Variants in ITGB6 observed in about 807,000 individuals in gnomAD.
ITGB6 encodes integrin subunit beta 6.
Under a neutral mutation model 84.5 loss-of-function variants are expected in ITGB6, and 80 were observed. The observed-to-expected ratio is 0.95, with a 90% CI of 0.79 to 1.14. The LOEUF (loss-of-function observed/expected upper bound fraction) is 1.14, where lower values mean the gene tolerates loss of function less well. ITGB6 is among the 50% of genes most tolerant of loss of function. The probability of loss-of-function intolerance (pLI) is 0.00; values close to 1 mark genes in which losing one functional copy is unlikely to be tolerated. For synonymous variants in ITGB6, 383 were observed against 354.9 expected, an observed-to-expected ratio of 1.08 and a Z score of -0.89; for missense variants, 1,006 against 968.0, an observed-to-expected ratio of 1.04 and a Z score of -0.52.
At chr2:160,184,438 G>A (rs191157015) in intron 4 of ITGB6, among the ~76,000 whole-genome samples, 141 of 152,240 alleles carry the variant, frequency 9.3e-4, no homozygotes, top group Non-Finnish European at 1.7e-3. Context: ...GGAAGAAGTC[G>A]AATACCTGAA....
rs899568376 is a variant in ITGB6, at chr2:160,101,553, C to T, written c.*183G>A. On this transcript the variant is annotated 3_prime_UTR_variant, in exon 15 of 15. Transcript: ENST00000283249. ...AGTCATCTCTTTGCTAAGGATATTT[C>T]TCTTCTTGATTATTTTGAAACTGCC... 1.7e-6 allele frequency: 1 copy of T among 589,576 alleles called. No homozygotes were observed. Among genetic ancestry groups the T allele is most frequent in the African/African-American group, 1.9e-5 (1 of 52,440 alleles). The allele number at this position is 589,576 out of a possible 1,614,324, so 36.5% of individuals were successfully genotyped here.
chr2:160,140,538 G>A lies in ITGB6; in HGVS notation c.1107+1444C>T, dbSNP rs578018793. On this transcript the variant is annotated intron_variant, in intron 8 of 14. Transcript: ENST00000283249. ...AGAGTATTGGATTCGAAAAAATGGC[G>A]TGCATTCTGATACAGTGAAGGATTG... is the stretch of plus-strand genomic sequence containing the variant. Among the ~76,000 whole-genome samples, 12 of 152,268 alleles carry A rather than the reference G, an allele frequency of 7.9e-5. No individual in the cohort carries two copies. The South Asian group carries it at 8.3e-4, about 11-fold the overall frequency.
At chr2:160,142,455 A>C (rs991531504) in intron 7 of ITGB6, among the ~76,000 whole-genome samples, 1 of 152,236 alleles carries the variant, frequency 6.6e-6, no homozygotes, top group Non-Finnish European at 1.5e-5. Context: ...GTAACGTTGC[A>C]GAAACCAAGG....
chr2:160,135,397 T>G (rs1388899343), intron 10 of ITGB6, among the ~76,000 whole-genome samples: 1 of 149,180 alleles, frequency 6.7e-6, no homozygotes, highest in African/African-American at 2.5e-5. Context: ...CTCAATGAAA[T>G]AAAAGAGGAT....
intron 7 of ITGB6, among the ~76,000 whole-genome samples, chr2:160,148,499 G>C (rs1487370997): frequency 6.6e-6 from 1 of 152,226 alleles, no homozygotes; most frequent in Non-Finnish European, 1.5e-5. Flanking sequence ...GGCTGAATAG[G>C]AACAGCTCCG....
rs371801551 is a variant in ITGB6, at chr2:160,199,857, C to A, written c.61+146G>T. ...ACTGTGGGAACTGCCCGGTGTTTGT[C>A]TGTAATTTGTTAAAGTGTTCACTCA... On this transcript the variant is annotated intron_variant, in intron 1 of 14. Coordinates refer to ENST00000283249, the MANE Select transcript of ITGB6 (RefSeq NM_000888.5). 1.5e-4 allele frequency: 94 copies of A among 643,018 alleles called. No individual in the cohort carries two copies. In the African/African-American group the frequency reaches 1.6e-3, roughly 11 times the overall value. The allele number at this position is 643,018 out of a possible 1,614,324, so 39.8% of individuals were successfully genotyped here.
At chr2:160,163,447 C>G (rs1378470427) in intron 7 of ITGB6, among the ~76,000 whole-genome samples, 1 of 152,132 alleles carries the variant, frequency 6.6e-6, no homozygotes. Context: ...GTCTGGCCAA[C>G]ATGGTGAAAC....
chr2:160,188,940 G>A (rs10193774), intron 4 of ITGB6, among the ~76,000 whole-genome samples: 19,672 of 151,860 alleles, frequency 0.13, 2,462 homozygotes, highest in East Asian at 0.45. Context: ...TCACGCTACC[G>A]GACTTCAAAC....
intron 10 of ITGB6, among the ~76,000 whole-genome samples, chr2:160,132,785 A>G (rs16844824): frequency 0.66 from 100,324 of 152,026 alleles, 33,503 homozygotes; most frequent in Admixed American, 0.74. Flanking sequence ...TCGTTAAACT[A>G]TAGCGATTTT....
rs746489935 is a variant in ITGB6, at chr2:160,137,682, T to C, written c.1412A>G (p.Asn471Ser). 6.2e-7 allele frequency: 1 copy of C among 1,614,196 alleles called. No homozygotes were observed. Among genetic ancestry groups the C allele is most frequent in the South Asian group, 1.1e-5 (1 of 91,080 alleles). Reference sequence around the variant, plus strand: ...ACACACCCCACACTGGAAAGAGCCGTTCCCGTGGTGACATTTGGAGCTGTT... The same window carrying C: ...ACACACCCCACACTGGAAAGAGCCGCTCCCGTGGTGACATTTGGAGCTGTT... ...EVNSSKCHHG[N>S]GSFQCGVCAC... Residue 471 changes from asparagine (N) to serine (S), a missense_variant, in exon 10 of 15, where the codon AAC becomes AGC. Coordinates refer to ENST00000283249, the MANE Select transcript of ITGB6 (RefSeq NM_000888.5).
At chr2:160,189,470 T>C (rs1373526640) in intron 4 of ITGB6, among the ~76,000 whole-genome samples, 1 of 152,098 alleles carries the variant, frequency 6.6e-6, no homozygotes, top group East Asian at 1.9e-4. Context: ...AAAGGGCTAA[T>C]ATCCAGAATC....
At chr2:160,101,977 T>A (rs1379874018) in intron 14 of ITGB6, 143 bp from the exon 15 acceptor site, 9 of 604,348 alleles carry the variant, frequency 1.5e-5, no homozygotes, top group Non-Finnish European at 2.0e-5. Context: ...GCATTTCATA[T>A]GTTTAGTGTT....
intron 14 of ITGB6, among the ~76,000 whole-genome samples, chr2:160,104,254 CCTGGCCT>C (rs1696825399): frequency 6.6e-6 from 1 of 152,132 alleles, no homozygotes; most frequent in Non-Finnish European, 1.5e-5. Context: ...TAGGGTATTT[CCTGGCCT>C]CAGCTGAAGA....
chr2:160,110,876 C>A (rs1682472328), intron 13 of ITGB6, among the ~76,000 whole-genome samples: 1 of 152,184 alleles, frequency 6.6e-6, no homozygotes, highest in Non-Finnish European at 1.5e-5. Context: ...CCTACCCAAC[C>A]ATGCGGACAT....
chr2:160,118,139 G>A lies in ITGB6; in HGVS notation c.1981+5652C>T, dbSNP rs1216523175. Among the ~76,000 whole-genome samples the A allele has an allele frequency of 5.3e-5, 8 of 152,064 alleles. No individual in the cohort carries two copies. In the South Asian group the frequency reaches 6.2e-4, roughly 12 times the overall value. On this transcript the variant is annotated intron_variant, in intron 12 of 14. Transcript: ENST00000283249. ...AAACTATTCCAATCAATAGAAAAAGGGGGAATCCTCCCTAACTCATTTTAT... is the reference window on the plus strand; with the variant it reads ...AAACTATTCCAATCAATAGAAAAAGAGGGAATCCTCCCTAACTCATTTTAT...
At chr2:160,180,768 T>C (rs1464324693) in intron 4 of ITGB6, among the ~76,000 whole-genome samples, 1 of 152,178 alleles carries the variant, frequency 6.6e-6, no homozygotes, top group African/African-American at 2.4e-5. Flanking sequence ...AGGTGATTTC[T>C]GCATTTCCAA....
At chr2:160,108,892 T>C (rs1291318529) in intron 13 of ITGB6, among the ~76,000 whole-genome samples, 1 of 152,234 alleles carries the variant, frequency 6.6e-6, no homozygotes, top group African/African-American at 2.4e-5. Context: ...TAGGAGATGA[T>C]ACATTTCTTA....
chr2:160,194,955 A>G (rs1559236887), intron 4 of ITGB6, among the ~76,000 whole-genome samples: 1 of 152,190 alleles, frequency 6.6e-6, no homozygotes, highest in Non-Finnish European at 1.5e-5. Context: ...GCCAGAAGTC[A>G]TTGTCATGGA....
Position 160,101,669 on chromosome 2 carries a change from A to G in ITGB6, c.*67T>C. Reference sequence around the variant, plus strand: ...ACCTCATTTTGAAGCAACAAAGAGAAAAAAATTAAATAGTGCATTAACATT... The same window carrying G: ...ACCTCATTTTGAAGCAACAAAGAGAGAAAAATTAAATAGTGCATTAACATT... On this transcript the variant is annotated 3_prime_UTR_variant, in exon 15 of 15. Transcript: ENST00000283249. 8 of 918,518 alleles carry G rather than the reference A, an allele frequency of 8.7e-6. No homozygotes were observed. The South Asian group carries it at 1.1e-4, about 13-fold the overall frequency. The allele number at this position is 918,518 out of a possible 1,614,324, so 56.9% of individuals were successfully genotyped here.
Sources: gnomAD v4.1 joint callset for allele counts (sites outside exome capture counted in the v4.1 genomes callset) on GRCh38, gnomAD v4.1.1 for gene constraint, MANE v1.5 for transcripts, NCBI Gene and HGNC (gene_info 2026-07-23, HGNC 2026-07-21) for gene names.